The following BIRC6 variants were observed in gnomAD, a reference collection of about 807,000 sequenced individuals.
BIRC6 encodes the protein dual E2 ubiquitin-conjugating enzyme/E3 ubiquitin-protein ligase BIRC6.
A neutral mutation model predicts 503.3 loss-of-function variants in BIRC6; 98 were observed. The observed-to-expected ratio is 0.19, with a 90% CI of 0.17 to 0.23. The LOEUF (loss-of-function observed/expected upper bound fraction) is 0.23. BIRC6 is among the 10% of genes least tolerant of loss of function. The probability of loss-of-function intolerance (pLI) is 1.00; values close to 1 mark genes in which losing one functional copy is unlikely to be tolerated. For missense variants in BIRC6, 5,360 were observed against 5,806.0 expected (o/e 0.92, Z 2.50); for synonymous variants, 2,240 against 2,078.7 (o/e 1.08, Z -2.11).
intron 16 of BIRC6, among the ~76,000 whole-genome samples, chr2:32,440,326 A>G (rs537338776): frequency 6.6e-6 from 1 of 152,280 alleles, no homozygotes; most frequent in Non-Finnish European, 1.5e-5. Context: ...TCTGTTGGCA[A>G]CTCACAATCT....
chr2:32,547,805 A>G lies in BIRC6; in HGVS notation c.12811-45A>G, dbSNP rs892154885. ...CCAGTGATAAATATTTTTGAAGATA[A>G]GCAAAAACAAATTGTAATGGATTTT... On this transcript the variant is annotated intron_variant, in intron 63 of 73. Transcript: ENST00000421745. 4 of 1,440,300 alleles carry G rather than the reference A, an allele frequency of 2.8e-6. No homozygotes were observed. In the African/African-American group the frequency reaches 5.7e-5, roughly 21 times the overall value. 89.2% of individuals were successfully genotyped at this position (1,440,300 alleles called of 1,614,324 possible).
intron 45 of BIRC6, among the ~76,000 whole-genome samples, chr2:32,496,233 C>CT (rs150687120): frequency 0.019 from 2,768 of 145,494 alleles, 30 homozygotes; most frequent in Middle Eastern, 0.032. Context: ...AATTCATACA[C>CT]TTTTTTTTTT....
intron 66 of BIRC6, among the ~76,000 whole-genome samples, chr2:32,582,173 GA>G (rs2060719329): frequency 6.6e-6 from 1 of 151,970 alleles, no homozygotes. Context: ...CTATAATTTA[GA>G]TGTAAAAACA....
rs563433171 is a variant in BIRC6, at chr2:32,611,242, T to A, written c.14260-206T>A. 2.0e-5 allele frequency among the ~76,000 whole-genome samples: 3 copies of A among 151,994 alleles called. No individual in the cohort carries two copies. In the East Asian group the frequency reaches 5.8e-4, roughly 29 times the overall value. ...TGCCTCAGCCTCCCAAATTGAGTTT[T>A]ATGGATAGAAAAACATTGCAGTGTC... On this transcript the variant is annotated intron_variant, in intron 72 of 73. Transcript: ENST00000421745.
At chr2:32,416,310 A>T (rs1377043817) in intron 10 of BIRC6, 147 bp downstream of exon 10, 2 of 861,842 alleles carry the variant, frequency 2.3e-6, no homozygotes, top group Non-Finnish European at 3.5e-6. Flanking sequence ...TTCTTTTTAA[A>T]CTGTTCTTAA....
At chr2:32,537,845 A>C (rs2057358288) in intron 61 of BIRC6, among the ~76,000 whole-genome samples, 1 of 152,038 alleles carries the variant, frequency 6.6e-6, no homozygotes, top group South Asian at 2.1e-4. Flanking sequence ...AGGTGCCTGT[A>C]GTCCCAGCTA....
chr2:32,574,010 G>A (rs1216117770), intron 65 of BIRC6, among the ~76,000 whole-genome samples: 1 of 151,878 alleles, frequency 6.6e-6, no homozygotes, highest in African/African-American at 2.4e-5. Flanking sequence ...TTTTCCAAAA[G>A]TGCCTATTAT....
intron 8 of BIRC6, among the ~76,000 whole-genome samples, chr2:32,402,408 A>G (rs1254014691): frequency 6.6e-6 from 1 of 152,198 alleles, no homozygotes; most frequent in Non-Finnish European, 1.5e-5. Flanking sequence ...TTTCACTTCC[A>G]GGGGCTCCTT....
At chr2:32,413,008 G>T (rs1486107328) in intron 9 of BIRC6, among the ~76,000 whole-genome samples, 2 of 150,458 alleles carry the variant, frequency 1.3e-5, no homozygotes, top group Non-Finnish European at 1.5e-5. Flanking sequence ...GAATTGAAAA[G>T]ACTTTTTTTT....
chr2:32,450,735 ATAC>A (rs1459274162), intron 22 of BIRC6, among the ~76,000 whole-genome samples: 2 of 152,156 alleles, frequency 1.3e-5, no homozygotes, highest in African/African-American at 4.8e-5. Context: ...AAATCTGTAG[ATAC>A]TCAAGTCCCT....
chr2:32,610,629 T>C (rs2062803162), intron 72 of BIRC6, among the ~76,000 whole-genome samples: 2 of 152,244 alleles, frequency 1.3e-5, no homozygotes, highest in South Asian at 2.1e-4. Flanking sequence ...TGGTTACTTA[T>C]TTAGCATTTG....
chr2:32,501,083 A>C (rs1161915556), intron 46 of BIRC6, among the ~76,000 whole-genome samples: 1 of 152,222 alleles, frequency 6.6e-6, no homozygotes. Context: ...TGTTAAATTT[A>C]TATGCTGTTG....
At chr2:32,555,549 A>C (rs1177441462) in intron 65 of BIRC6, among the ~76,000 whole-genome samples, 3 of 152,004 alleles carry the variant, frequency 2.0e-5, no homozygotes, top group African/African-American at 7.3e-5. Context: ...GAGGCAGGAG[A>C]ATCGCTTGAA....
chr2:32,429,085 C>A, intron 10 of BIRC6, 61 bp from the exon 11 acceptor site: 2 of 1,378,520 alleles, frequency 1.5e-6, no homozygotes, highest in Non-Finnish European at 2.0e-6. Context: ...AGTAGTATTA[C>A]ATTTGAATAT....
chr2:32,526,428 C>T (rs1013287892), intron 59 of BIRC6: 4 of 152,026 alleles, frequency 2.6e-5, no homozygotes, highest in Admixed American at 1.3e-4. Flanking sequence ...CCCCAGATAC[C>T]CTTATGGGTA....
At position 32,618,866 on chromosome 2, in the gene BIRC6, A is replaced by T. The variant is rs994930029; in HGVS notation, c.*962A>T. On this transcript the variant is annotated 3_prime_UTR_variant, in exon 74 of 74. Transcript: ENST00000421745. ...ATTCTTCCTAGAGCCAAATAAATAAAGACTTAGGTGAATTAGTATGTCTTG... is the reference window on the plus strand; with the variant it reads ...ATTCTTCCTAGAGCCAAATAAATAATGACTTAGGTGAATTAGTATGTCTTG... 6 of 152,622 alleles carry T rather than the reference A, an allele frequency of 3.9e-5. No individual in the cohort carries two copies. The highest frequency in any genetic ancestry group is 7.3e-5 in the Non-Finnish European group (5 of 68,038). The allele number at this position is 152,622 out of a possible 1,614,324, so 9.5% of individuals were successfully genotyped here. A position where few individuals can be genotyped will look rare whatever the true frequency, so the allele number is the denominator to read the frequency against.
intron 8 of BIRC6, among the ~76,000 whole-genome samples, chr2:32,402,202 G>C (rs1233389951): frequency 6.6e-6 from 1 of 152,316 alleles, no homozygotes; most frequent in East Asian, 1.9e-4. Context: ...AGAGATTCCT[G>C]ATTTTTGTGG....
At chr2:32,477,277 A>G (rs1212618632) in intron 34 of BIRC6, 91 bp from the exon 35 acceptor site, 5 of 1,317,930 alleles carry the variant, frequency 3.8e-6, no homozygotes, top group Non-Finnish European at 4.1e-6. Flanking sequence ...AAGTTGTAAT[A>G]TGGAGTGGAT....
At chr2:32,456,126 A>G (rs977295570) in intron 23 of BIRC6, among the ~76,000 whole-genome samples, 1 of 152,136 alleles carries the variant, frequency 6.6e-6, no homozygotes, top group Non-Finnish European at 1.5e-5. Context: ...ACTTCCATTT[A>G]TTTCTTCCTC....
Sources: gnomAD v4.1 joint callset for allele counts (sites outside exome capture counted in the v4.1 genomes callset) on GRCh38, gnomAD v4.1.1 for gene constraint, MANE v1.5 for transcripts, NCBI Gene and HGNC (gene_info 2026-07-23, HGNC 2026-07-21) for gene names.